USH2A: variants seen among roughly 807,000 people sequenced by gnomAD.
The protein encoded by USH2A is usherin.
USH2A carries 443 observed loss-of-function variants against 538.9 expected under a neutral mutation model. That is an observed-to-expected ratio of 0.82 (90% CI 0.76 to 0.89). USH2A has a LOEUF of 0.89. Among genes scored for constraint, USH2A ranks in the 40% least tolerant of loss-of-function variants. The pLI is 0.00. For synonymous variants in USH2A, 2,413 were observed against 2,273.5 expected, an observed-to-expected ratio of 1.06 and a Z score of -1.75; for missense variants, 6,633 against 6,324.8, an observed-to-expected ratio of 1.05 and a Z score of -1.65.
intron 60 of USH2A, among the ~76,000 whole-genome samples, chr1:215,737,908 A>G (rs1660201089): frequency 6.6e-6 from 1 of 152,080 alleles, no homozygotes; most frequent in South Asian, 2.1e-4. Flanking sequence ...TTTAAATCTT[A>G]CTAAATACTC....
At chr1:215,660,543 T>C (rs182042173) in intron 64 of USH2A, among the ~76,000 whole-genome samples, 161 of 152,286 alleles carry the variant, frequency 1.1e-3, no homozygotes, top group Non-Finnish European at 1.9e-3. Flanking sequence ...TCCAGGTACT[T>C]CTGTACTGTA....
chr1:216,044,609 T>C (rs911768443), intron 32 of USH2A, among the ~76,000 whole-genome samples: 2 of 152,184 alleles, frequency 1.3e-5, no homozygotes, highest in African/African-American at 4.8e-5. Flanking sequence ...TGACATGTTA[T>C]ATTTTATATA....
intron 9 of USH2A, among the ~76,000 whole-genome samples, chr1:216,318,626 G>A (rs1431466468): frequency 1.3e-5 from 2 of 152,088 alleles, no homozygotes; most frequent in Non-Finnish European, 1.5e-5. Flanking sequence ...TATATTTGTT[G>A]CTTTTTAAAA....
intron 14 of USH2A, among the ~76,000 whole-genome samples, chr1:216,230,291 C>T (rs1025553669): frequency 6.6e-6 from 1 of 152,056 alleles, no homozygotes; most frequent in African/African-American, 2.4e-5. Context: ...CAGTAACTGG[C>T]TCCTATTTTA....
At chr1:215,831,028 C>G (rs1663299162) in intron 47 of USH2A, among the ~76,000 whole-genome samples, 1 of 151,906 alleles carries the variant, frequency 6.6e-6, no homozygotes, top group South Asian at 2.1e-4. Flanking sequence ...GAAAAATCAC[C>G]CAGAATTACA....
intron 50 of USH2A, among the ~76,000 whole-genome samples, chr1:215,798,328 A>G (rs1399250445): frequency 6.6e-6 from 1 of 152,168 alleles, no homozygotes; most frequent in African/African-American, 2.4e-5. Context: ...GGCTTCCCAA[A>G]ATCTGGATCT....
chr1:215,675,502 T>G lies in USH2A; in HGVS notation c.12409A>C (p.Arg4137=). Residue 4137 remains arginine, a synonymous_variant, in exon 63 of 72, where the codon AGA becomes CGA. Transcript: ENST00000307340. ...GGCGCCGAGTGTGCACAACCTGCTCTGGTGCAGGCCTCCAGGGTCAGTGTG... is the reference window on the plus strand; with the variant it reads ...GGCGCCGAGTGTGCACAACCTGCTCGGGTGCAGGCCTCCAGGGTCAGTGTG... ...LYTLTLEACT[R]AGCAHSAPQP... is the part of the protein sequence containing the mutation. 6.2e-7 allele frequency: 1 copy of G among 1,614,124 alleles called. No individual in the cohort carries two copies. The highest frequency in any genetic ancestry group is 8.5e-7 in the Non-Finnish European group (1 of 1,180,002).
At chr1:216,263,235 C>T (rs957277079) in intron 11 of USH2A, among the ~76,000 whole-genome samples, 24 of 152,006 alleles carry the variant, frequency 1.6e-4, no homozygotes, top group Admixed American at 1.0e-3. Context: ...TAAACTATTC[C>T]AAAAAATTGA....
chr1:216,093,922 G>A (rs573596413), intron 22 of USH2A, among the ~76,000 whole-genome samples: 83 of 152,250 alleles, frequency 5.5e-4, no homozygotes, highest in Non-Finnish European at 1.1e-3. Context: ...CTCTATGACC[G>A]TAGTTAAGCC....
chr1:215,946,584 A>T (rs1417798840), intron 37 of USH2A, among the ~76,000 whole-genome samples: 1 of 152,224 alleles, frequency 6.6e-6, no homozygotes, highest in Non-Finnish European at 1.5e-5. Flanking sequence ...TAGACAAAAC[A>T]TTCCCAATAG....
chr1:216,358,427 C>A lies in USH2A; in HGVS notation c.784+6526G>T, dbSNP rs376010156. On this transcript the variant is annotated intron_variant, in intron 4 of 71. Transcript: ENST00000307340. ...GCACAATTACCTCTTTTGAAAGAAA[C>A]CATCTTGGATATGGACAAAAGTATG... 2.6e-5 allele frequency among the ~76,000 whole-genome samples: 4 copies of A among 152,026 alleles called. No homozygotes were observed. The East Asian group carries it at 5.8e-4, about 22-fold the overall frequency.
intron 50 of USH2A, among the ~76,000 whole-genome samples, chr1:215,796,028 G>GT (rs79966345): frequency 6.6e-6 from 1 of 151,816 alleles, no homozygotes; most frequent in African/African-American, 2.4e-5. Flanking sequence ...ATAAAAAATA[G>GT]AAGAATGACA....
chr1:216,113,641 A>G (rs982732100), intron 21 of USH2A, among the ~76,000 whole-genome samples: 6 of 151,986 alleles, frequency 3.9e-5, no homozygotes, highest in Admixed American at 3.3e-4. Flanking sequence ...CGTTTTTTCC[A>G]CATTAAGGGT....
At chr1:215,724,504 T>G (rs1659755442) in intron 61 of USH2A, among the ~76,000 whole-genome samples, 1 of 152,104 alleles carries the variant, frequency 6.6e-6, no homozygotes, top group Non-Finnish European at 1.5e-5. Context: ...AGAAATGACC[T>G]GATGGGTACG....
rs73102592 is a variant in USH2A, at chr1:216,418,592, T to A, written c.573A>T (p.Val191=). The change falls in exon 3 of 72, where the codon GTA becomes GTT. Residue 191 remains valine (V), a synonymous_variant. Coordinates refer to ENST00000307340, the MANE Select transcript of USH2A (RefSeq NM_206933.4). ...EKETMFYYRT[V]NGLQPPIKVM... The stretch of plus-strand genomic sequence containing the variant: ...CTTTTATTGGAGGTTGCAAACCATT[T>A]ACTGTGCGATAATAAAACATGGTCT... 6.2e-7 allele frequency: 1 copy of A among 1,613,370 alleles called. No individual in the cohort carries two copies. The highest frequency in any genetic ancestry group is 8.5e-7 in the Non-Finnish European group (1 of 1,179,584).
intron 32 of USH2A, among the ~76,000 whole-genome samples, chr1:216,027,069 C>T (rs1415814605): frequency 6.6e-6 from 1 of 152,080 alleles, no homozygotes. Context: ...AAAGCAGACC[C>T]TCTGCTATAG....
At chr1:216,261,732 A>C (rs1292743704) in intron 11 of USH2A, among the ~76,000 whole-genome samples, 1 of 152,132 alleles carries the variant, frequency 6.6e-6, no homozygotes, top group African/African-American at 2.4e-5. Context: ...CTCCTGGTGA[A>C]CCAGTTCCAG....
rs147013793 is a variant in USH2A, at chr1:215,634,231, G to C, written c.15297+228C>G. Among the ~76,000 whole-genome samples, 933 of 152,286 alleles carry C rather than the reference G, an allele frequency of 6.1e-3. 7 individuals are homozygous for C. Among genetic ancestry groups the C allele is most frequent in the African/African-American group, 0.02 (847 of 41,546 alleles). On this transcript the variant is annotated intron_variant, in intron 70 of 71. Coordinates refer to ENST00000307340, the MANE Select transcript of USH2A (RefSeq NM_206933.4). ...AAGACCAAGGATATGAGAATTTCTCGGATGAAGTCCAGGCAGTGATATTTT... is the reference window on the plus strand; with the variant it reads ...AAGACCAAGGATATGAGAATTTCTCCGATGAAGTCCAGGCAGTGATATTTT...
rs141552853 is a variant in USH2A, at chr1:216,117,406, T to C, written c.4628-20193A>G. Among the ~76,000 whole-genome samples, 6 of 152,322 alleles carry C rather than the reference T, an allele frequency of 3.9e-5. No homozygotes were observed. In the East Asian group the frequency reaches 9.6e-4, roughly 24 times the overall value. ...CTCTTACAGGAAGTAAATCTTTATATATAACTGAGCACATTCTTAATGCAA... is the reference window on the plus strand; with the variant it reads ...CTCTTACAGGAAGTAAATCTTTATACATAACTGAGCACATTCTTAATGCAA... On this transcript the variant is annotated intron_variant, in intron 21 of 71. Transcript: ENST00000307340.
Sources: allele counts gnomAD v4.1 joint callset (sites outside exome capture counted in the v4.1 genomes callset), GRCh38; gene constraint gnomAD v4.1.1; transcripts MANE v1.5; gene names NCBI Gene and HGNC (gene_info 2026-07-23, HGNC 2026-07-21).